The following DST variants were observed in gnomAD, a reference collection of about 807,000 sequenced individuals.
The protein encoded by DST is bullous pemphigoid antigen.
A neutral mutation model predicts 875.2 loss-of-function variants in DST; 253 were observed. That is an observed-to-expected ratio of 0.29 (90% CI 0.26 to 0.32). The LOEUF (loss-of-function observed/expected upper bound fraction) is 0.32. Ranked by LOEUF, DST falls within the 10% of genes least tolerant of loss-of-function variation. The pLI is 1.00. For synonymous variants in DST, 3,124 were observed against 3,197.1 expected (o/e 0.98, Z 0.77); for missense variants, 8,287 against 9,111.6 (o/e 0.91, Z 3.68).
intron 2 of DST, among the ~76,000 whole-genome samples, chr6:56,951,189 C>T (rs1822113219): frequency 6.6e-6 from 1 of 152,272 alleles, no homozygotes; most frequent in Admixed American, 6.5e-5. Context: ...ACTCACTGAA[C>T]TTCTTCATCT....
At chr6:56,598,402 G>T in intron 46 of DST, 74 bp downstream of exon 46, 1 of 873,086 alleles carries the variant, frequency 1.1e-6, no homozygotes, top group Non-Finnish European at 1.7e-6. Flanking sequence ...ACTACCACTG[G>T]ATATTAATAA....
chr6:56,625,791 G>T (rs560379814), intron 34 of DST, among the ~76,000 whole-genome samples: 1 of 150,754 alleles, frequency 6.6e-6, no homozygotes, highest in East Asian at 1.9e-4. Flanking sequence ...CCTTCAGAAA[G>T]TATTCCAGAA....
intron 4 of DST, among the ~76,000 whole-genome samples, chr6:56,821,812 G>A (rs987098260): frequency 2.0e-5 from 3 of 152,106 alleles, no homozygotes; most frequent in African/African-American, 7.2e-5. Flanking sequence ...ATCCAGCTAT[G>A]ACCCAACTTT....
At position 56,561,465 on chromosome 6, in the gene DST, T is replaced by A. The variant is rs766047885; in HGVS notation, c.14153A>T (p.Glu4718Val). 5.6e-6 allele frequency: 9 copies of A among 1,613,902 alleles called. No individual in the cohort carries two copies. The Admixed American group carries it at 1.5e-4, about 27-fold the overall frequency. The change falls in exon 57 of 104, where the codon GAA becomes GTA. Residue 4718 changes from glutamate (E) to valine (V), a missense_variant. Transcript: ENST00000680361. ...CAATTTGGAGAGTTTAGTGTTCAGTTCCGCTATTTTGTCCTTGAGTAAGAG... is the reference window on the plus strand; with the variant it reads ...CAATTTGGAGAGTTTAGTGTTCAGTACCGCTATTTTGTCCTTGAGTAAGAG... The part of the protein sequence containing the change: ...LGLLLKDKIA[E>V]LNTKLSKLQK...
intron 4 of DST, among the ~76,000 whole-genome samples, chr6:56,764,903 G>A (rs1037626564): frequency 6.8e-5 from 10 of 147,270 alleles, no homozygotes; most frequent in Non-Finnish European, 1.5e-4. Context: ...GTTGCAGTGA[G>A]CCAAGATCAT....
At chr6:56,951,239 G>A (rs1362417873) in intron 2 of DST, among the ~76,000 whole-genome samples, 1 of 152,214 alleles carries the variant, frequency 6.6e-6, no homozygotes, top group Admixed American at 6.5e-5. Context: ...GGTTCAAAGT[G>A]AGTCAGCAGA....
intron 10 of DST, among the ~76,000 whole-genome samples, chr6:56,652,664 C>G (rs1243390062): frequency 6.6e-6 from 1 of 152,126 alleles, no homozygotes; most frequent in Non-Finnish European, 1.5e-5. Flanking sequence ...ACAGACCTTT[C>G]AAGAAAATCT....
At chr6:56,713,094 G>C (rs994543741) in intron 5 of DST, among the ~76,000 whole-genome samples, 1 of 152,134 alleles carries the variant, frequency 6.6e-6, no homozygotes, top group Non-Finnish European at 1.5e-5. Flanking sequence ...CCTATCATTG[G>C]TTTTAAAGAA....
rs777284565 is a variant in DST at position 56,592,242 on chromosome 6, G to A, written c.12843C>T (p.His4281=). The part of the protein sequence containing the change: ...LQACEATASK[H]LSEPIAVDPK... The stretch of plus-strand genomic sequence containing the variant: ...GGTCCACCGCAATAGGTTCAGATAA[G>A]TGTTTGCTCGCTGTGGCCTCACAGG... Residue 4281 remains histidine (H), a synonymous_variant, in exon 49 of 104, where the codon CAC becomes CAT. Transcript: ENST00000680361. 2.5e-6 allele frequency: 4 copies of A among 1,613,426 alleles called. No homozygotes were observed. Among genetic ancestry groups the A allele is most frequent in the African/African-American group, 1.3e-5 (1 of 74,928 alleles).
At chr6:56,599,351 T>C (rs902546295) in intron 45 of DST, among the ~76,000 whole-genome samples, 3 of 152,088 alleles carry the variant, frequency 2.0e-5, no homozygotes, top group African/African-American at 7.2e-5. Flanking sequence ...TTCCATACTT[T>C]ATTTTAATCT....
Position 56,573,787 on chromosome 6 carries a change from G to C in DST, c.13128C>G (p.Gly4376=), listed in dbSNP as rs772556065. ...TLTRSLSVQD[G]LDEMLDWMGN... ...CCATCCAGTCCAGCATTTCATCCAA[G>C]CCATCCTGCACACTCAGTGAACGGG... is the stretch of plus-strand genomic sequence containing the variant. Residue 4376 remains glycine (G), a synonymous_variant, in exon 51 of 104, where the codon GGC becomes GGG. Coordinates refer to ENST00000680361, the MANE Select transcript of DST (RefSeq NM_001374736.1). 1 of 1,613,526 alleles carries C rather than the reference G, an allele frequency of 6.2e-7. No individual in the cohort carries two copies. The highest frequency in any genetic ancestry group is 1.1e-5 in the South Asian group (1 of 91,058).
At chr6:56,796,080 G>T (rs1354251705) in intron 4 of DST, among the ~76,000 whole-genome samples, 2 of 152,172 alleles carry the variant, frequency 1.3e-5, no homozygotes, top group Non-Finnish European at 2.9e-5. Flanking sequence ...GTGCCCCAGG[G>T]ATACGGGGCA....
chr6:56,615,846 C>T (rs1170693393), intron 36 of DST: 1 of 1,614,184 alleles, frequency 6.2e-7, no homozygotes, highest in Non-Finnish European at 8.5e-7. Flanking sequence ...GCATTCACAG[C>T]TTCCACCACT....
At chr6:56,530,877 T>C (rs1447458103) in intron 64 of DST, among the ~76,000 whole-genome samples, 1 of 152,208 alleles carries the variant, frequency 6.6e-6, no homozygotes, top group Non-Finnish European at 1.5e-5. Context: ...TGATTCAGTA[T>C]CAAATCCTGT....
chr6:56,779,847 G>T (rs1262280055), intron 4 of DST, among the ~76,000 whole-genome samples: 1 of 148,106 alleles, frequency 6.8e-6, no homozygotes, highest in Non-Finnish European at 1.5e-5. Flanking sequence ...TTAGCATTAG[G>T]TATATCTCCT....
At chr6:56,848,133 C>T (rs1398276234) in intron 4 of DST, among the ~76,000 whole-genome samples, 1 of 152,152 alleles carries the variant, frequency 6.6e-6, no homozygotes, top group African/African-American at 2.4e-5. Flanking sequence ...TTTCTTTTAA[C>T]TGTAAGTTTG....
Position 56,536,770 on chromosome 6 carries a change from GA to G in DST, c.16770+8del, listed in dbSNP as rs2097011626. ...AGCAAAATAGCAATGAAGGGGGTGA[GA>G]AAATTACCTTCTTATTGAGAGTCTT... On this transcript the variant is annotated splice_region_variant and intron_variant, in intron 62 of 103. Coordinates refer to ENST00000680361, the MANE Select transcript of DST (RefSeq NM_001374736.1). The G allele has an allele frequency of 1.3e-6, 2 of 1,524,544 alleles. No homozygotes were observed. The highest frequency in any genetic ancestry group is 1.8e-6 in the Non-Finnish European group (2 of 1,132,620). The allele number at this position is 1,524,544 out of a possible 1,614,324, so 94.4% of individuals were successfully genotyped here. A position where few individuals can be genotyped will look rare whatever the true frequency, so the allele number is the denominator to read the frequency against.
At chr6:56,669,105 G>T (rs1032006431) in intron 10 of DST, among the ~76,000 whole-genome samples, 1 of 151,950 alleles carries the variant, frequency 6.6e-6, no homozygotes, top group African/African-American at 2.4e-5. Flanking sequence ...CACGAGTATA[G>T]CATTTAAGAG....
At chr6:56,837,427 A>G (rs1208647031) in intron 4 of DST, among the ~76,000 whole-genome samples, 1 of 152,068 alleles carries the variant, frequency 6.6e-6, no homozygotes, top group Non-Finnish European at 1.5e-5. Flanking sequence ...TCCAACCACT[A>G]TAATTTTACA....
Sources: gnomAD v4.1 joint callset for allele counts (sites outside exome capture counted in the v4.1 genomes callset) on GRCh38, gnomAD v4.1.1 for gene constraint, MANE v1.5 for transcripts, NCBI Gene and HGNC (gene_info 2026-07-23, HGNC 2026-07-21) for gene names.